Variants in EARS2 observed in about 807,000 individuals in gnomAD.
EARS2 encodes the protein glutamyl-tRNA synthetase 2, mitochondrial.
Under a neutral mutation model 54.1 loss-of-function variants are expected in EARS2, and 50 were observed. The ratio of observed to expected loss-of-function variants is 0.92; its 90% CI spans 0.74 to 1.17. The LOEUF (loss-of-function observed/expected upper bound fraction) is 1.17, where lower values mean the gene tolerates loss of function less well. Among genes scored for constraint, EARS2 ranks in the 50% most tolerant of loss-of-function variants. The pLI is 0.00. For synonymous variants in EARS2, 298 were observed against 281.0 expected (o/e 1.06, Z -0.61); for missense variants, 673 against 675.0 (o/e 1.00, Z 0.03).
intron 1 of EARS2, among the ~76,000 whole-genome samples, chr16:23,555,029 G>C (rs1164371050): frequency 6.6e-6 from 1 of 152,220 alleles, no homozygotes; most frequent in Non-Finnish European, 1.5e-5. Context: ...GCAAGGAAAT[G>C]AGAAGTACAA....
rs1207914425 is a variant in EARS2 at position 23,524,094 on chromosome 16, A to C, written c.*277T>G. 2.1e-6 allele frequency: 1 copy of C among 478,462 alleles called. No individual in the cohort carries two copies. The highest frequency in any genetic ancestry group is 2.0e-5 in the African/African-American group (1 of 50,892). 29.6% of individuals were successfully genotyped at this position (478,462 alleles called of 1,614,324 possible). ...CGGGATGTTAACTTTTCTGTGAACT[A>C]ACTCCAAACCTCTGCTGTGTAATGT... On this transcript the variant is annotated 3_prime_UTR_variant, in exon 9 of 9. Coordinates refer to ENST00000449606, the MANE Select transcript of EARS2 (RefSeq NM_001083614.2).
intron 1 of EARS2, among the ~76,000 whole-genome samples, chr16:23,554,340 T>C (rs1965742514): frequency 6.6e-6 from 1 of 152,218 alleles, no homozygotes; most frequent in Non-Finnish European, 1.5e-5. Context: ...CCCTAATTGC[T>C]GGCTTTAAAC....
At chr16:23,552,502 T>A (rs1315119216) in intron 1 of EARS2, among the ~76,000 whole-genome samples, 198 bp from the exon 2 acceptor site, 1 of 147,252 alleles carries the variant, frequency 6.8e-6, no homozygotes, top group Admixed American at 7.1e-5. Flanking sequence ...TTCCTGTAGG[T>A]TTTTTAAGAC....
chr16:23,534,916 G>T lies in EARS2; in HGVS notation c.930C>A (p.Ile310=). 1 of 1,589,532 alleles carries T rather than the reference G, an allele frequency of 6.3e-7. No individual in the cohort carries two copies. The highest frequency in any genetic ancestry group is 8.6e-7 in the Non-Finnish European group (1 of 1,165,250). ...DGFLPDSLLD[I]ITNCGSGFAE... ...CAAAACCTGAGCCACAGTTGGTGAT[G>T]ATGTCCAACAAGGAATCGGGCAGGA... Residue 310 remains isoleucine, a synonymous_variant, in exon 4 of 9, where the codon ATC becomes ATA. Coordinates refer to ENST00000449606, the MANE Select transcript of EARS2 (RefSeq NM_001083614.2).
At chr16:23,532,279 T>G (rs965966069) in intron 5 of EARS2, among the ~76,000 whole-genome samples, 1 of 152,024 alleles carries the variant, frequency 6.6e-6, no homozygotes, top group African/African-American at 2.4e-5. Flanking sequence ...AGGCTGAGGG[T>G]GGGGAGGGAG....
intron 1 of EARS2, among the ~76,000 whole-genome samples, chr16:23,555,842 G>A (rs917787050): frequency 1.1e-4 from 17 of 152,144 alleles, no homozygotes; most frequent in African/African-American, 3.6e-4. Flanking sequence ...CCACATGCCC[G>A]GCTAATTTTT....
chr16:23,529,479 G>C, intron 7 of EARS2, 23 bp downstream of exon 7: 1 of 1,609,932 alleles, frequency 6.2e-7, no homozygotes, highest in Non-Finnish European at 8.5e-7. Flanking sequence ...GTGGAACCCT[G>C]AGCTCAGCCT....
chr16:23,548,199 A>G (rs1597024347), intron 2 of EARS2, among the ~76,000 whole-genome samples: 2 of 151,662 alleles, frequency 1.3e-5, no homozygotes, highest in African/African-American at 4.8e-5. Context: ...GCACCACTGC[A>G]CTCCAGCCTG....
At chr16:23,537,400 T>G (rs1965438688) in intron 3 of EARS2, 1 of 152,362 alleles carries the variant, frequency 6.6e-6, no homozygotes, top group Non-Finnish European at 1.5e-5. Flanking sequence ...TGATAACATG[T>G]TTCAGATTGG....
Position 23,529,022 on chromosome 16 carries a change from C to T in EARS2, c.1352+480G>A, listed in dbSNP as rs367574142. On this transcript the variant is annotated intron_variant, in intron 7 of 8. Coordinates refer to ENST00000449606, the MANE Select transcript of EARS2 (RefSeq NM_001083614.2). ...AAAGCGAATCTTGGTAATGGAGTAC[C>T]GACTCCTGCATTAAGCTGTGCCTCA... 8.5e-5 allele frequency among the ~76,000 whole-genome samples: 13 copies of T among 152,284 alleles called. No individual in the cohort carries two copies. The South Asian group carries it at 1.4e-3, about 17-fold the overall frequency.
At chr16:23,533,915 G>C (rs1405528740) in intron 4 of EARS2, among the ~76,000 whole-genome samples, 1 of 152,166 alleles carries the variant, frequency 6.6e-6, no homozygotes, top group Non-Finnish European at 1.5e-5. Context: ...AATTAGCCAA[G>C]CGTGGTGGCG....
intron 3 of EARS2, 162 bp from the exon 4 acceptor site, chr16:23,535,522 G>T: frequency 1.6e-6 from 1 of 640,492 alleles, no homozygotes; most frequent in Non-Finnish European, 2.7e-6. Flanking sequence ...GGAAAACTGA[G>T]ATAACATGGT....
chr16:23,524,643 GC>G (rs1323666975), intron 8 of EARS2, among the ~76,000 whole-genome samples, 189 bp from the exon 9 acceptor site: 1 of 140,940 alleles, frequency 7.1e-6, no homozygotes, highest in Admixed American at 7.1e-5. Flanking sequence ...TCCAACCACC[GC>G]CCTTTTTTTT....
intron 5 of EARS2, among the ~76,000 whole-genome samples, 171 bp from the exon 6 acceptor site, chr16:23,530,068 T>G (rs911979535): frequency 1.3e-5 from 2 of 152,212 alleles, no homozygotes; most frequent in African/African-American, 4.8e-5. Flanking sequence ...GGGATGTGAC[T>G]AAGGTCACAA....
intron 1 of EARS2, among the ~76,000 whole-genome samples, 164 bp from the exon 2 acceptor site, chr16:23,552,468 G>C (rs2142195982): frequency 6.6e-6 from 1 of 152,320 alleles, no homozygotes; most frequent in Non-Finnish European, 1.5e-5. Context: ...GCCAAGGCCG[G>C]GGGGATCACT....
intron 7 of EARS2, among the ~76,000 whole-genome samples, chr16:23,529,168 C>T (rs559898544): frequency 6.6e-6 from 1 of 152,340 alleles, no homozygotes; most frequent in East Asian, 1.9e-4. Context: ...AGCATCATCT[C>T]TCTCTCACTG....
chr16:23,557,201 T>C lies in EARS2; in HGVS notation c.139+4A>G, dbSNP rs868054522. On this transcript the variant is annotated splice_donor_region_variant and intron_variant, in intron 1 of 8. Transcript: ENST00000449606. ...GCCTGTAGCGTCACGTCCGCCAGGG[T>C]TACCTGTGGGGCTGGGAGCGAACCG... The C allele has an allele frequency of 6.0e-6, 9 of 1,509,690 alleles. 1 individual carries two copies. The African/African-American group carries it at 9.7e-5, about 16-fold the overall frequency. The allele number at this position is 1,509,690 out of a possible 1,614,324, so 93.5% of individuals were successfully genotyped here.
intron 3 of EARS2, among the ~76,000 whole-genome samples, chr16:23,541,246 G>A (rs1331195552): frequency 6.6e-6 from 1 of 151,904 alleles, no homozygotes; most frequent in Non-Finnish European, 1.5e-5. Flanking sequence ...AGAATCACTT[G>A]AACCTGGGAG....
intron 1 of EARS2, among the ~76,000 whole-genome samples, chr16:23,554,516 G>A (rs1321100605): frequency 6.6e-6 from 1 of 152,102 alleles, no homozygotes; most frequent in Non-Finnish European, 1.5e-5. Flanking sequence ...ACAGCCCTAA[G>A]TCTCCACAAT....
Sources: allele counts gnomAD v4.1 joint callset (sites outside exome capture counted in the v4.1 genomes callset), GRCh38; gene constraint gnomAD v4.1.1; transcripts MANE v1.5; gene names NCBI Gene and HGNC (gene_info 2026-07-23, HGNC 2026-07-21).